MYO18A: variants seen among roughly 807,000 people sequenced by gnomAD.
The protein encoded by MYO18A is unconventional myosin-XVIIIa.
A neutral mutation model predicts 235.8 loss-of-function variants in MYO18A; 78 were observed. The ratio of observed to expected loss-of-function variants is 0.33; its 90% CI spans 0.28 to 0.40. MYO18A has a LOEUF of 0.40. Ranked by LOEUF, MYO18A falls within the 10% of genes least tolerant of loss-of-function variation. MYO18A has a pLI of 1.00. For synonymous variants in MYO18A, 977 were observed against 1,077.8 expected (o/e 0.91, Z 1.83); for missense variants, 2,215 against 2,699.3 (o/e 0.82, Z 3.98).
At chr17:29,079,519 C>T (rs148635295) in intron 41 of MYO18A, among the ~76,000 whole-genome samples, 2 of 152,320 alleles carry the variant, frequency 1.3e-5, no homozygotes, top group Non-Finnish European at 2.9e-5. Context: ...ACATCACCAG[C>T]GAGTTCAGCT....
chr17:29,173,653 T>G (rs2068458435), intron 1 of MYO18A, among the ~76,000 whole-genome samples: 1 of 152,244 alleles, frequency 6.6e-6, no homozygotes, highest in Non-Finnish European at 1.5e-5. Context: ...CCCAAAGTGC[T>G]GGGATTACAG....
rs2067171821 is a variant in MYO18A, at chr17:29,120,522, C to A, written c.1728+94G>T. ...GGTCAATTTTGTTAGGGTAGAATCC[C>A]AGGAAAATGAGGCATGGGAGAGAGC... On this transcript the variant is annotated intron_variant, in intron 7 of 41. Coordinates refer to ENST00000527372, the MANE Select transcript of MYO18A (RefSeq NM_078471.4). The surrounding 1 kb of genome is among the most constrained non-coding windows in gnomAD (Gnocchi z 4.2). 1 of 1,470,984 alleles carries A rather than the reference C, an allele frequency of 6.8e-7. No homozygotes were observed. Among genetic ancestry groups the A allele is most frequent in the South Asian group, 1.4e-5 (1 of 73,306 alleles). The allele number at this position is 1,470,984 out of a possible 1,614,324, so 91.1% of individuals were successfully genotyped here. A position where few individuals can be genotyped will look rare whatever the true frequency, so the allele number is the denominator to read the frequency against.
intron 2 of MYO18A, chr17:29,124,614 G>A: frequency 8.0e-7 from 1 of 1,250,796 alleles, no homozygotes; most frequent in Admixed American, 2.5e-5. Flanking sequence ...GGTCACTGGA[G>A]GGAGCGGAGG....
At chr17:29,082,513 AG>A (rs1275117221) in intron 40 of MYO18A, 75 bp from the exon 41 acceptor site, 1 of 1,512,048 alleles carries the variant, frequency 6.6e-7, no homozygotes, top group Non-Finnish European at 9.0e-7. Flanking sequence ...ATGGGGGTGC[AG>A]GGGGTGTCTT....
At chr17:29,162,671 A>G (rs1468671322) in intron 2 of MYO18A, among the ~76,000 whole-genome samples, 2 of 152,144 alleles carry the variant, frequency 1.3e-5, no homozygotes, top group Non-Finnish European at 2.9e-5. Context: ...GGCTGGGATT[A>G]TGTGCTGCTC....
intron 2 of MYO18A, among the ~76,000 whole-genome samples, chr17:29,122,850 G>A (rs868555931): frequency 2.6e-5 from 4 of 152,216 alleles, no homozygotes; most frequent in Non-Finnish European, 5.9e-5. Context: ...TGCTCTACCC[G>A]GACCGGGGGA....
At chr17:29,082,640 T>G (rs1167585958) in intron 40 of MYO18A, among the ~76,000 whole-genome samples, 1 of 151,904 alleles carries the variant, frequency 6.6e-6, no homozygotes, top group Non-Finnish European at 1.5e-5. Context: ...AGCCACACTG[T>G]GTGACAACCA....
At chr17:29,103,241 C>T (rs1489583993) in intron 21 of MYO18A, among the ~76,000 whole-genome samples, 3 of 152,380 alleles carry the variant, frequency 2.0e-5, no homozygotes, top group African/African-American at 7.2e-5. Context: ...TTCCAGCCCA[C>T]ATCCTCTGGG....
intron 2 of MYO18A, among the ~76,000 whole-genome samples, chr17:29,124,918 A>G (rs1370321702): frequency 1.3e-5 from 2 of 152,086 alleles, no homozygotes; most frequent in African/African-American, 4.8e-5. Context: ...ACTAGTGACC[A>G]TCAGGCCTCT....
In MYO18A at chr17:29,094,093, G is replaced by A. The variant is rs1254842552; in HGVS notation, c.4711-3C>T. 2.5e-6 allele frequency: 4 copies of A among 1,595,220 alleles called. No homozygotes were observed. The African/African-American group carries it at 4.0e-5, about 16-fold the overall frequency. ...TCCATCTCCAGACGCAGCTTGGCCT[G>A]GAGGTGGTTGGAGTAGGGTCTGGGT... On this transcript the variant is annotated splice_region_variant and splice_polypyrimidine_tract_variant and intron_variant, in intron 30 of 41. Coordinates refer to ENST00000527372, the MANE Select transcript of MYO18A (RefSeq NM_078471.4).
intron 41 of MYO18A, among the ~76,000 whole-genome samples, chr17:29,082,007 C>T (rs2066135084): frequency 6.6e-6 from 1 of 152,146 alleles, no homozygotes; most frequent in South Asian, 2.1e-4. Context: ...AGTTTTGATT[C>T]CAAGGGTCTG....
At chr17:29,133,701 C>T (rs1342850839) in intron 2 of MYO18A, 2 of 916,714 alleles carry the variant, frequency 2.2e-6, no homozygotes, top group African/African-American at 1.7e-5. Flanking sequence ...CCATCTCTAG[C>T]TTCCAAAGCT....
chr17:29,111,492 G>A lies in MYO18A; in HGVS notation c.2832C>T (p.Gly944=), dbSNP rs776999287. Residue 944 remains glycine, a synonymous_variant, in exon 17 of 42, where the codon GGC becomes GGT. Coordinates refer to ENST00000527372, the MANE Select transcript of MYO18A (RefSeq NM_078471.4). This position sits in a 1 kb window ranked among gnomAD's most constrained non-coding sequence, Gnocchi z 5.1. ...GTNWVEYNVT[G]WLNYTKQNPA... is the part of the protein sequence containing the mutation. ...GGTTCTGCTTGGTGTAGTTCAGCCAGCCAGTCACATTGTACTCTACCCAGT... is the reference window on the plus strand; with the variant it reads ...GGTTCTGCTTGGTGTAGTTCAGCCAACCAGTCACATTGTACTCTACCCAGT... The A allele has an allele frequency of 9.2e-5, 149 of 1,612,710 alleles. No individual in the cohort carries two copies. Among genetic ancestry groups the A allele is most frequent in the Non-Finnish European group, 1.2e-4 (144 of 1,179,450 alleles).
At position 29,086,534 on chromosome 17, in the gene MYO18A, T is replaced by C; in HGVS notation, c.5756A>G (p.Gln1919Arg). 6.2e-7 allele frequency: 1 copy of C among 1,613,106 alleles called. No homozygotes were observed. Among genetic ancestry groups the C allele is most frequent in the Non-Finnish European group, 8.5e-7 (1 of 1,179,562 alleles). Residue 1919 changes from glutamine (Q) to arginine (R), a missense_variant, in exon 39 of 42, where the codon CAG (glutamine) becomes CGG (arginine). Gln to Arg is a conservative substitution (Grantham distance 43). Coordinates refer to ENST00000527372, the MANE Select transcript of MYO18A (RefSeq NM_078471.4). ...CTTGAATGCCAACTTTAGGTCAGCC[T>C]GCAGGCTCTGGTTAGCAGCCTCCAG... ...ESLEAANQSL[Q>R]ADLKLAFKRI...
intron 2 of MYO18A, chr17:29,137,200 C>T (rs1023985120): frequency 6.6e-6 from 1 of 152,212 alleles, no homozygotes; most frequent in Non-Finnish European, 1.5e-5. Context: ...CTTTGTCATC[C>T]CTGGACTGTG....
At position 29,140,813 on chromosome 17, in the gene MYO18A, C is replaced by A. The variant is rs538206295; in HGVS notation, c.1000-18560G>T. Among the ~76,000 whole-genome samples, 1 of 152,292 alleles carries A rather than the reference C, an allele frequency of 6.6e-6. No homozygotes were observed. Among genetic ancestry groups the A allele is most frequent in the East Asian group, 1.9e-4 (1 of 5,188 alleles). ...GCATGTACACGTATACACACACACA[C>A]ACACACACCAGCATGCACGAACATT... is the stretch of plus-strand genomic sequence containing the variant. On this transcript the variant is annotated intron_variant, in intron 2 of 41. Coordinates refer to ENST00000527372, the MANE Select transcript of MYO18A (RefSeq NM_078471.4). The surrounding 1 kb of genome is among the most constrained non-coding windows in gnomAD (Gnocchi z 4.2).
Position 29,115,023 on chromosome 17 carries a change from C to A in MYO18A, c.2395G>T (p.Gly799Cys). ...AAGGAGGCTCCGCGGGCTGACCCAC[C>A]CTGCTCAGGGTTCTGGAAGCCCGGG... ...DTPGFQNPEQ[G>C]GSARGASFEE... Residue 799 changes from glycine (G) to cysteine (C), a missense_variant, in exon 14 of 42, where the codon GGT becomes TGT. Gly to Cys is a radical substitution (Grantham distance 159, BLOSUM62 -3). Transcript: ENST00000527372. 1 of 1,613,898 alleles carries A rather than the reference C, an allele frequency of 6.2e-7. No individual in the cohort carries two copies. Among genetic ancestry groups the A allele is most frequent in the Non-Finnish European group, 8.5e-7 (1 of 1,179,890 alleles).
Position 29,120,159 on chromosome 17 carries a change from G to C in MYO18A, c.1728+457C>G, listed in dbSNP as rs1328665182. Reference sequence around the variant, plus strand: ...AGAAGACAGGCCCAGCTCCCAAAGGGGCCCTGCTGCTCTGCCCAGACCCCA... The same window carrying C: ...AGAAGACAGGCCCAGCTCCCAAAGGCGCCCTGCTGCTCTGCCCAGACCCCA... On this transcript the variant is annotated intron_variant, in intron 7 of 41. Transcript: ENST00000527372. This position sits in a 1 kb window ranked among gnomAD's most constrained non-coding sequence, Gnocchi z 4.2. Among the ~76,000 whole-genome samples, 1 of 152,348 alleles carries C rather than the reference G, an allele frequency of 6.6e-6. No homozygotes were observed. The highest frequency in any genetic ancestry group is 1.9e-4 in the East Asian group (1 of 5,194).
intron 19 of MYO18A, among the ~76,000 whole-genome samples, chr17:29,108,517 G>A (rs530264372): frequency 6.6e-6 from 1 of 152,318 alleles, no homozygotes; most frequent in African/African-American, 2.4e-5. Flanking sequence ...TGGGAGGAGC[G>A]ACTGTCTTGC....
Sources: allele counts gnomAD v4.1 joint callset (sites outside exome capture counted in the v4.1 genomes callset), GRCh38; gene constraint gnomAD v4.1.1; non-coding constraint Gnocchi (gnomAD v3.1); transcripts MANE v1.5; gene names NCBI Gene and HGNC (gene_info 2026-07-23, HGNC 2026-07-21).